Variants in FRMPD4 observed in about 807,000 individuals in gnomAD.
FRMPD4 encodes the protein FERM and PDZ domain containing 4, also known as FERM and PDZ domain-containing protein 4.
A neutral mutation model predicts 94.1 loss-of-function variants in FRMPD4; 22 were observed. The observed-to-expected ratio is 0.23, with a 90% confidence interval of 0.17 to 0.33. The LOEUF (loss-of-function observed/expected upper bound fraction) is 0.33. Ranked by LOEUF, FRMPD4 falls within the 10% of genes least tolerant of loss-of-function variation. The probability of loss-of-function intolerance (pLI) is 1.00; values close to 1 mark genes in which losing one functional copy is unlikely to be tolerated. For missense variants in FRMPD4, 1,111 were observed against 1,339.9 expected, an observed-to-expected ratio of 0.83 and a Z score of 2.67; for synonymous variants, 631 against 548.6, an observed-to-expected ratio of 1.15 and a Z score of -2.10.
chrX:12,474,936 G>A (rs1397134908), intron 1 of FRMPD4, among the ~76,000 whole-genome samples: 1 of 111,842 alleles, frequency 8.9e-6, no homozygotes, highest in African/African-American at 3.3e-5. Context: ...AATAGAAAAA[G>A]AGGGAATCCT....
At chrX:12,186,651 T>A (rs6639159) in intron 1 of FRMPD4, among the ~76,000 whole-genome samples, 36,923 of 110,650 alleles carry the variant, frequency 0.33, 4,835 homozygotes, top group East Asian at 0.84. Context: ...GGTGTGTGGC[T>A]TGACGATGAA....
Position 12,609,797 on chromosome X carries a change from G to A in FRMPD4, c.235G>A (p.Val79Met). The change falls in exon 3 of 17, where the codon GTG becomes ATG. Residue 79 changes from valine to methionine, a missense_variant. Physicochemically the swap from Val to Met is conservative, Grantham distance 21 (BLOSUM62 1). Coordinates refer to ENST00000675598, the MANE Select transcript of FRMPD4 (RefSeq NM_001368397.1). ...AATCATCCCTCCGGCTCCTCGGAAG[G>A]TGGAGATGAGAAGGGACCCCGTGCT... ...CQIIPPAPRK[V>M]EMRRDPVLGF... 1 of 1,210,059 alleles carries A rather than the reference G, an allele frequency of 8.3e-7. No individual in the cohort carries two copies. Among genetic ancestry groups the A allele is most frequent in the East Asian group, 3.0e-5 (1 of 33,830 alleles).
intron 2 of FRMPD4, among the ~76,000 whole-genome samples, chrX:11,876,907 T>C (rs767143558): frequency 1.8e-5 from 2 of 112,449 alleles, no homozygotes; most frequent in African/African-American, 6.5e-5. Flanking sequence ...AAGACACTTT[T>C]AGTTGTCACA....
intron 1 of FRMPD4, among the ~76,000 whole-genome samples, chrX:12,292,283 G>A (rs945656932): frequency 3.6e-5 from 4 of 111,922 alleles, no homozygotes; most frequent in African/African-American, 6.5e-5. Context: ...ATAATAGTAC[G>A]AACTGAAAAG....
intron 2 of FRMPD4, among the ~76,000 whole-genome samples, chrX:11,870,587 G>A (rs1179228439): frequency 1.8e-5 from 2 of 111,419 alleles, no homozygotes; most frequent in East Asian, 5.7e-4. Flanking sequence ...GGTGAGAGGG[G>A]CCCTTTTGGG....
chrX:12,307,402 T>C (rs1436111380), intron 1 of FRMPD4, among the ~76,000 whole-genome samples: 2 of 112,516 alleles, frequency 1.8e-5, no homozygotes, highest in Non-Finnish European at 3.8e-5. Flanking sequence ...TTTCATCATA[T>C]GAGTATAGCA....
At chrX:11,959,246 A>T (rs182595553) in intron 3 of FRMPD4, among the ~76,000 whole-genome samples, 32 of 112,389 alleles carry the variant, frequency 2.8e-4, no homozygotes. Flanking sequence ...CCATTCTGGC[A>T]GACTGGGAAG....
intron 3 of FRMPD4, among the ~76,000 whole-genome samples, chrX:12,027,644 C>T (rs2054668322): frequency 9.0e-6 from 1 of 111,670 alleles, no homozygotes; most frequent in Non-Finnish European, 1.9e-5. Context: ...TATTTCAGTC[C>T]TTGATTCTTT....
rs148216155 is a variant in FRMPD4 at position 12,717,987 on chromosome X, C to T, written c.3161C>T (p.Thr1054Met). 3.9e-5 allele frequency: 47 copies of T among 1,210,322 alleles called. No individual in the cohort carries two copies. Among genetic ancestry groups the T allele is most frequent in the East Asian group, 8.9e-5 (3 of 33,780 alleles). Residue 1054 changes from threonine (T) to methionine (M), a missense_variant, in exon 16 of 17, where the codon ACG (threonine) becomes ATG (methionine). This residue lies in a region of FRMPD4 where 551 missense variants were observed against 591.6 expected (regional missense o/e 0.93). Coordinates refer to ENST00000675598, the MANE Select transcript of FRMPD4 (RefSeq NM_001368397.1). ...GGAAAAAAACAGCAGGGGACCAAAA[C>T]GGCAGAGATGGAGGAGGAGGCCAGT... Reference protein sequence around the residue: ...TTGKKQQGTKTAEMEEEASGK... With the variant: ...TTGKKQQGTKMAEMEEEASGK...
chrX:12,115,320 G>A (rs2055398638), intron 3 of FRMPD4, among the ~76,000 whole-genome samples: 1 of 111,626 alleles, frequency 9.0e-6, no homozygotes, highest in African/African-American at 3.3e-5. Flanking sequence ...TGGGACTACA[G>A]GCACACACCA....
chrX:12,227,321 T>C (rs5978505), intron 1 of FRMPD4, among the ~76,000 whole-genome samples: 1,272 of 111,601 alleles, frequency 0.011, 22 homozygotes, highest in African/African-American at 0.04. Flanking sequence ...AGTGCTTCCA[T>C]GTATATGTGC....
intron 2 of FRMPD4, among the ~76,000 whole-genome samples, chrX:12,566,268 C>T (rs2058711234): frequency 9.0e-6 from 1 of 111,530 alleles, no homozygotes; most frequent in African/African-American, 3.3e-5. Flanking sequence ...CAGGCTCCAC[C>T]TCCTCCATGA....
intron 1 of FRMPD4, among the ~76,000 whole-genome samples, chrX:12,161,025 A>C (rs1195682494): frequency 9.0e-6 from 1 of 111,622 alleles, no homozygotes; most frequent in East Asian, 2.8e-4. Flanking sequence ...TGCTAGTTTC[A>C]GAACGTATAA....
chrX:12,713,841 T>A (rs1287876183), intron 14 of FRMPD4, among the ~76,000 whole-genome samples: 1 of 111,693 alleles, frequency 9.0e-6, no homozygotes, highest in African/African-American at 3.3e-5. Flanking sequence ...GAACACATAT[T>A]TTCTTCTCAC....
chrX:12,688,706 T>C (rs1288289848), intron 7 of FRMPD4, among the ~76,000 whole-genome samples: 2 of 109,801 alleles, frequency 1.8e-5, no homozygotes, highest in Non-Finnish European at 3.8e-5. Context: ...TTGTTTTCTC[T>C]TTCCTGGGCT....
At chrX:12,673,571 G>C (rs370077960) in intron 4 of FRMPD4, among the ~76,000 whole-genome samples, 157 of 111,865 alleles carry the variant, frequency 1.4e-3, no homozygotes, top group African/African-American at 4.9e-3. Flanking sequence ...ACTGCTACAC[G>C]TGTGTATATT....
intron 1 of FRMPD4, among the ~76,000 whole-genome samples, chrX:12,474,508 C>T (rs759099337): frequency 6.5e-4 from 72 of 111,528 alleles, no homozygotes; most frequent in South Asian, 1.1e-3. Flanking sequence ...TTCAAAAAAT[C>T]AATGAATCCA....
intron 1 of FRMPD4, among the ~76,000 whole-genome samples, chrX:12,482,070 C>T (rs773633233): frequency 3.7e-5 from 4 of 106,788 alleles, no homozygotes; most frequent in African/African-American, 1.4e-4. Context: ...ATCGTCTTCA[C>T]GTTGAATAGG....
chrX:12,559,504 G>A (rs1201612938), intron 2 of FRMPD4, among the ~76,000 whole-genome samples: 1 of 110,564 alleles, frequency 9.0e-6, no homozygotes, highest in Non-Finnish European at 1.9e-5. Context: ...ACAAAAATTA[G>A]CTGGGTGTGG....
Sources: gnomAD v4.1 joint callset for allele counts (sites outside exome capture counted in the v4.1 genomes callset) on GRCh38, gnomAD v4.1.1 for gene constraint, gnomAD v4.1.1 regional missense constraint, MANE v1.5 for transcripts, NCBI Gene and HGNC (gene_info 2026-07-23, HGNC 2026-07-21) for gene names.